The following FAM171A1 variants were observed in gnomAD, a reference collection of about 807,000 sequenced individuals.
The protein encoded by FAM171A1 is family with sequence similarity 171 member A1.
FAM171A1 carries 23 observed loss-of-function variants against 74.9 expected under a neutral mutation model. That is an observed-to-expected ratio of 0.31 (90% CI 0.22 to 0.44). The LOEUF (loss-of-function observed/expected upper bound fraction) is 0.44. Ranked by LOEUF, FAM171A1 falls within the 20% of genes least tolerant of loss-of-function variation. The probability of loss-of-function intolerance (pLI) is 1.00; values close to 1 mark genes in which losing one functional copy is unlikely to be tolerated. For synonymous variants in FAM171A1, 527 were observed against 505.7 expected, an observed-to-expected ratio of 1.04 and a Z score of -0.57; for missense variants, 1,162 against 1,159.2, an observed-to-expected ratio of 1.00 and a Z score of -0.03.
At chr10:15,232,743 C>T (rs958094715) in intron 5 of FAM171A1, among the ~76,000 whole-genome samples, 2 of 152,140 alleles carry the variant, frequency 1.3e-5, no homozygotes, top group African/African-American at 2.4e-5. Context: ...GGCATTGAAG[C>T]GGGAATCCAC....
rs764016873 is a variant in FAM171A1 at position 15,213,312 on chromosome 10, G to A, written c.2276C>T (p.Ala759Val). The A allele has an allele frequency of 1.2e-6, 2 of 1,614,138 alleles. No homozygotes were observed. Among genetic ancestry groups the A allele is most frequent in the Non-Finnish European group, 1.7e-6 (2 of 1,180,040 alleles). Residue 759 changes from alanine (A) to valine (V), a missense_variant, in exon 8 of 8, where the codon GCT becomes GTT. Ala to Val is a moderately conservative substitution (Grantham distance 64). Transcript: ENST00000378116. This position sits in a 1 kb window ranked among gnomAD's most constrained non-coding sequence, Gnocchi z 6.8. ...PKSARKGRGDALSLQQNYPPV... is the reference protein window; with the variant it reads ...PKSARKGRGDVLSLQQNYPPV... ...CGGGTAGTTCTGCTGCAGAGACAAA[G>A]CATCTCCCCTTCCCTTCCGGGCTGA...
Position 15,268,627 on chromosome 10 carries a change from C to T in FAM171A1, c.418+7228G>A, listed in dbSNP as rs111299730. Among the ~76,000 whole-genome samples the T allele has an allele frequency of 2.7e-4, 41 of 151,870 alleles. 1 individual carries two copies. The highest frequency in any genetic ancestry group is 9.9e-4 in the African/African-American group (41 of 41,410). ...GTGGGGAGGGTCTGGGCTGGAGAGA[C>T]GGAATCAGGAGTAATTAGAGCATTG... On this transcript the variant is annotated intron_variant, in intron 3 of 7. Coordinates refer to ENST00000378116, the MANE Select transcript of FAM171A1 (RefSeq NM_001010924.2).
At chr10:15,329,015 T>TA (rs1383223038) in intron 1 of FAM171A1, among the ~76,000 whole-genome samples, 1 of 152,134 alleles carries the variant, frequency 6.6e-6, no homozygotes, top group Admixed American at 6.6e-5. Context: ...ACGCCGCACA[T>TA]AAACAGCACT....
At chr10:15,354,324 C>T (rs964245565) in intron 1 of FAM171A1, among the ~76,000 whole-genome samples, 4 of 152,056 alleles carry the variant, frequency 2.6e-5, no homozygotes, top group Admixed American at 6.5e-5. Flanking sequence ...GGTGAAACCC[C>T]GCCTCCACTA....
chr10:15,345,932 C>A (rs1835813010), intron 1 of FAM171A1, among the ~76,000 whole-genome samples: 1 of 152,150 alleles, frequency 6.6e-6, no homozygotes, highest in East Asian at 1.9e-4. Context: ...TCCGCTGGAT[C>A]TGGAGAAACG....
At chr10:15,356,737 G>A (rs1160984056) in intron 1 of FAM171A1, among the ~76,000 whole-genome samples, 7 of 152,128 alleles carry the variant, frequency 4.6e-5, no homozygotes, top group Admixed American at 3.3e-4. Flanking sequence ...CTGGGGGGCC[G>A]AGGCGGGTGG....
chr10:15,220,039 T>C (rs1010214355), intron 6 of FAM171A1, among the ~76,000 whole-genome samples: 3 of 152,244 alleles, frequency 2.0e-5, no homozygotes, highest in African/African-American at 7.2e-5. Flanking sequence ...GATAATTCCA[T>C]TGCTAAAATA....
At chr10:15,351,683 G>A (rs912083267) in intron 1 of FAM171A1, among the ~76,000 whole-genome samples, 2 of 151,954 alleles carry the variant, frequency 1.3e-5, no homozygotes, top group East Asian at 1.9e-4. Flanking sequence ...ATGCATGGAC[G>A]GATGGATGGG....
chr10:15,301,275 C>A (rs1479286448), intron 1 of FAM171A1, among the ~76,000 whole-genome samples: 1 of 151,946 alleles, frequency 6.6e-6, no homozygotes, highest in Admixed American at 6.6e-5. Context: ...TGGGTTCAAG[C>A]AATTTTCGAG....
At chr10:15,257,297 CCTT>C (rs1364950359) in intron 3 of FAM171A1, among the ~76,000 whole-genome samples, 2 of 152,116 alleles carry the variant, frequency 1.3e-5, no homozygotes, top group African/African-American at 2.4e-5. Flanking sequence ...GGCACAGAAA[CCTT>C]CTCCGACTGG....
chr10:15,270,292 T>A (rs1056840085), intron 3 of FAM171A1, among the ~76,000 whole-genome samples: 1 of 152,072 alleles, frequency 6.6e-6, no homozygotes, highest in African/African-American at 2.4e-5. Flanking sequence ...AGCACAGCAG[T>A]CTGAGATTGA....
intron 1 of FAM171A1, among the ~76,000 whole-genome samples, chr10:15,360,597 G>T (rs554729544): frequency 4.6e-5 from 7 of 152,180 alleles, no homozygotes; most frequent in Non-Finnish European, 8.8e-5. Flanking sequence ...AGGGATGGGT[G>T]GGCACAGAGG....
chr10:15,254,718 T>A lies in FAM171A1; in HGVS notation c.577+3A>T. On this transcript the variant is annotated splice_donor_region_variant and intron_variant, in intron 4 of 7. Coordinates refer to ENST00000378116, the MANE Select transcript of FAM171A1 (RefSeq NM_001010924.2). ...CACTGAAAAGAGAAAAGACTCCAAT[T>A]ACCTGTTCCATTTCCGTCTAATCCT... The A allele has an allele frequency of 6.2e-7, 1 of 1,613,538 alleles. No individual in the cohort carries two copies. Among genetic ancestry groups the A allele is most frequent in the Non-Finnish European group, 8.5e-7 (1 of 1,179,606 alleles).
upstream of FAM171A1, among the ~76,000 whole-genome samples, chr10:15,372,250 G>C (rs1420913763): frequency 6.6e-6 from 1 of 152,156 alleles, no homozygotes; most frequent in Non-Finnish European, 1.5e-5. Context: ...TGATCTAAGA[G>C]GTAGTTAGCA....
intron 3 of FAM171A1, among the ~76,000 whole-genome samples, chr10:15,255,537 C>T (rs1834568615): frequency 6.6e-6 from 1 of 152,212 alleles, no homozygotes; most frequent in Non-Finnish European, 1.5e-5. Context: ...GATGCTTCTT[C>T]ACCAAACTCA....
intron 3 of FAM171A1, among the ~76,000 whole-genome samples, chr10:15,269,150 G>A (rs1214280543): frequency 1.3e-5 from 2 of 152,092 alleles, no homozygotes; most frequent in Non-Finnish European, 2.9e-5. Context: ...GACTTACTCT[G>A]TCCCTCAGGC....
In FAM171A1 at chr10:15,254,982, C is replaced by G. The variant is rs999323188; in HGVS notation, c.419-103G>C. On this transcript the variant is annotated intron_variant, in intron 3 of 7. Transcript: ENST00000378116. The stretch of plus-strand genomic sequence containing the variant: ...CTCTAAGGTTTCAGCACGCCTCCCC[C>G]ACCCTGCTCCCTCTCACAAGGCCTC... 46 of 1,032,230 alleles carry G rather than the reference C, an allele frequency of 4.5e-5. No individual in the cohort carries two copies. In the Admixed American group the frequency reaches 8.7e-4, roughly 20 times the overall value. 63.9% of individuals were successfully genotyped at this position (1,032,230 alleles called of 1,614,324 possible). A position where few individuals can be genotyped will look rare whatever the true frequency, so the allele number is the denominator to read the frequency against.
At position 15,281,871 on chromosome 10, in the gene FAM171A1, A is replaced by G. The variant is rs187234212; in HGVS notation, c.325+2007T>C. Among the ~76,000 whole-genome samples, 170 of 152,312 alleles carry G rather than the reference A, an allele frequency of 1.1e-3. 1 individual carries two copies. In the East Asian group the frequency reaches 0.022, roughly 20 times the overall value. On this transcript the variant is annotated intron_variant, in intron 2 of 7. Coordinates refer to ENST00000378116, the MANE Select transcript of FAM171A1 (RefSeq NM_001010924.2). ...ATGAGACTGTCTCCAAAAATAAAAA[A>G]ATAAAAAAACAGATATGATGGGAAT...
At chr10:15,332,656 A>G (rs1228829230) in intron 1 of FAM171A1, among the ~76,000 whole-genome samples, 1 of 152,188 alleles carries the variant, frequency 6.6e-6, no homozygotes, top group Non-Finnish European at 1.5e-5. Flanking sequence ...TTTCTCTTAG[A>G]AAGCAGGTTG....
Sources: gnomAD v4.1 joint callset for allele counts (sites outside exome capture counted in the v4.1 genomes callset) on GRCh38, gnomAD v4.1.1 for gene constraint, Gnocchi (gnomAD v3.1) non-coding constraint, MANE v1.5 for transcripts, NCBI Gene and HGNC (gene_info 2026-07-23, HGNC 2026-07-21) for gene names.